Variants in ACBD6 observed in about 807,000 individuals in gnomAD.
ACBD6 encodes acyl-CoA binding domain containing 6, also known as acyl-CoA-binding domain-containing protein 6.
ACBD6 carries 28 observed loss-of-function variants against 37.2 expected under a neutral mutation model. The observed-to-expected ratio is 0.75, with a 90% CI of 0.56 to 1.03. ACBD6 has a LOEUF of 1.03. Ranked by LOEUF, ACBD6 falls within the 50% of genes least tolerant of loss-of-function variation. The pLI is 0.00. For missense variants in ACBD6, 340 were observed against 337.4 expected, an observed-to-expected ratio of 1.01 and a Z score of -0.06; for synonymous variants, 113 against 126.8, an observed-to-expected ratio of 0.89 and a Z score of 0.73.
rs1651690928 is a variant in ACBD6 at position 180,495,349 on chromosome 1, C to T, written c.287+112G>A. On this transcript the variant is annotated intron_variant, in intron 2 of 7. Transcript: ENST00000367595. ...TGCCTGTCATTAGTACAATCTACAGCAGAGAGAGAGATTAATATAAAAATA... is the reference window on the plus strand; with the variant it reads ...TGCCTGTCATTAGTACAATCTACAGTAGAGAGAGAGATTAATATAAAAATA... The T allele has an allele frequency of 9.2e-6, 7 of 760,830 alleles. No individual in the cohort carries two copies. In the South Asian group the frequency reaches 1.4e-4, roughly 16 times the overall value. 47.1% of individuals were successfully genotyped at this position (760,830 alleles called of 1,614,324 possible).
chr1:180,295,692 C>A (rs1233880522), intron 7 of ACBD6, among the ~76,000 whole-genome samples: 1 of 152,042 alleles, frequency 6.6e-6, no homozygotes, highest in African/African-American at 2.4e-5. Flanking sequence ...GATAAATGAT[C>A]TTTGATGTTA....
chr1:180,385,474 A>C (rs1375952685), intron 6 of ACBD6, among the ~76,000 whole-genome samples: 3 of 151,142 alleles, frequency 2.0e-5, no homozygotes, highest in African/African-American at 7.3e-5. Context: ...GTTATGGACT[A>C]AATTGTGCTC....
At chr1:180,294,342 C>T (rs1052313708) in intron 7 of ACBD6, among the ~76,000 whole-genome samples, 2 of 151,862 alleles carry the variant, frequency 1.3e-5, no homozygotes, top group Non-Finnish European at 1.5e-5. Context: ...AGTTTGAGAC[C>T]AGCCTGGGCA....
At chr1:180,422,687 T>C (rs1428205320) in intron 4 of ACBD6, among the ~76,000 whole-genome samples, 1 of 152,228 alleles carries the variant, frequency 6.6e-6, no homozygotes, top group African/African-American at 2.4e-5. Flanking sequence ...TGGTACTTCA[T>C]ATGGGTCTCA....
At chr1:180,475,094 C>T (rs1011766794) in intron 3 of ACBD6, among the ~76,000 whole-genome samples, 16 of 152,156 alleles carry the variant, frequency 1.1e-4, no homozygotes, top group African/African-American at 3.9e-4. Context: ...TAGAATATTA[C>T]CAGCATTCAA....
At chr1:180,467,576 A>C (rs1221130209) in intron 3 of ACBD6, among the ~76,000 whole-genome samples, 1 of 151,930 alleles carries the variant, frequency 6.6e-6, no homozygotes, top group Non-Finnish European at 1.5e-5. Flanking sequence ...ACTTAAGCCC[A>C]GAAGTTTGAG....
intron 4 of ACBD6, among the ~76,000 whole-genome samples, chr1:180,421,797 G>A (rs1648375128): frequency 1.3e-5 from 2 of 151,938 alleles, no homozygotes; most frequent in East Asian, 1.9e-4. Flanking sequence ...CATGTTTGTT[G>A]GCTGCATGTA....
rs751030263 is a variant in ACBD6 at position 180,274,623 on chromosome 1, A to ATATC, written c.*936+24_*936+27dup. Reference sequence around the variant, plus strand: ...CTACCTGCCCCCCTGGCTTGAGAGAATATCTTCAAGGATCAAAAGAGACTT... The same window carrying ATATC: ...CTACCTGCCCCCCTGGCTTGAGAGAATATCTATCTTCAAGGATCAAAAGAGACTT... On this transcript the variant is annotated intron_variant, in intron 10 of 13. Transcript: ENST00000642319. 3.3e-6 allele frequency: 5 copies of ATATC among 1,512,852 alleles called. No homozygotes were observed. The East Asian group carries it at 9.1e-5, about 27-fold the overall frequency. The allele number at this position is 1,512,852 out of a possible 1,614,324, so 93.7% of individuals were successfully genotyped here.
At chr1:180,359,316 TAAAAC>T (rs1474934331) in intron 6 of ACBD6, among the ~76,000 whole-genome samples, 4 of 152,070 alleles carry the variant, frequency 2.6e-5, no homozygotes, top group Non-Finnish European at 5.9e-5. Flanking sequence ...TGCCAATAAA[TAAAAC>T]AAAAATATTT....
chr1:180,456,906 T>G (rs1283867559), intron 3 of ACBD6, among the ~76,000 whole-genome samples: 1 of 152,170 alleles, frequency 6.6e-6, no homozygotes, highest in African/African-American at 2.4e-5. Flanking sequence ...TTTTTAAATT[T>G]TTTGGTAGAG....
chr1:180,332,190 T>C (rs567340449), intron 6 of ACBD6, among the ~76,000 whole-genome samples: 1 of 152,300 alleles, frequency 6.6e-6, no homozygotes, highest in East Asian at 1.9e-4. Context: ...AGCCACCTAG[T>C]TTGTGGCACT....
chr1:180,317,694 A>G (rs1650869833), intron 6 of ACBD6, among the ~76,000 whole-genome samples: 1 of 152,180 alleles, frequency 6.6e-6, no homozygotes, highest in African/African-American at 2.4e-5. Flanking sequence ...TGTCATTTCA[A>G]CAATATTTTT....
intron 3 of ACBD6, among the ~76,000 whole-genome samples, chr1:180,453,095 C>G (rs1388559701): frequency 6.6e-6 from 1 of 152,168 alleles, no homozygotes; most frequent in African/African-American, 2.4e-5. Context: ...ATATCAAAAC[C>G]CGGCAGAGAC....
At position 180,420,719 on chromosome 1, in the gene ACBD6, T is replaced by A. The variant is rs562278986; in HGVS notation, c.468-7248A>T. Among the ~76,000 whole-genome samples the A allele has an allele frequency of 5.9e-5, 9 of 152,148 alleles. No individual in the cohort carries two copies. In the South Asian group the frequency reaches 1.7e-3, roughly 28 times the overall value. On this transcript the variant is annotated intron_variant, in intron 4 of 7. Coordinates refer to ENST00000367595, the MANE Select transcript of ACBD6 (RefSeq NM_032360.4). Reference sequence around the variant, plus strand: ...CAATGGAACCAATCCAGAAAAAGGGTTCTCATTGTCCGGGGCTTCTTATTG... The same window carrying A: ...CAATGGAACCAATCCAGAAAAAGGGATCTCATTGTCCGGGGCTTCTTATTG...
chr1:180,310,583 T>C (rs971616253), intron 7 of ACBD6, among the ~76,000 whole-genome samples: 11 of 152,222 alleles, frequency 7.2e-5, no homozygotes, highest in African/African-American at 2.7e-4. Context: ...GAGAGGCTAA[T>C]AAAACAAGTT....
intron 6 of ACBD6, among the ~76,000 whole-genome samples, chr1:180,375,674 G>C (rs989430328): frequency 6.6e-6 from 1 of 152,116 alleles, no homozygotes; most frequent in African/African-American, 2.4e-5. Context: ...TAAGCCACTT[G>C]GAAGAAGACA....
intron 3 of ACBD6, among the ~76,000 whole-genome samples, chr1:180,430,705 TAA>T (rs11422663): frequency 0.11 from 15,810 of 140,934 alleles, 1,230 homozygotes; most frequent in African/African-American, 0.22. Flanking sequence ...GTTTTTGGGT[TAA>T]AAAAAAAAAA....
At chr1:180,396,737 A>G (rs1194546970) in intron 6 of ACBD6, among the ~76,000 whole-genome samples, 1 of 149,074 alleles carries the variant, frequency 6.7e-6, no homozygotes, top group Non-Finnish European at 1.5e-5. Context: ...AAATTATACC[A>G]TGATGAGATA....
chr1:180,319,352 CA>C (rs994353840), intron 6 of ACBD6, among the ~76,000 whole-genome samples: 1 of 151,964 alleles, frequency 6.6e-6, no homozygotes, highest in African/African-American at 2.4e-5. Flanking sequence ...TCTTTAAACT[CA>C]AAATTTTTTA....
Sources: gnomAD v4.1 joint callset for allele counts (sites outside exome capture counted in the v4.1 genomes callset) on GRCh38, gnomAD v4.1.1 for gene constraint, MANE v1.5 for transcripts, NCBI Gene and HGNC (gene_info 2026-07-23, HGNC 2026-07-21) for gene names.